The following PXMP2 variants were observed in gnomAD, a reference collection of about 807,000 sequenced individuals.
PXMP2 encodes the protein peroxisomal membrane protein 2.
A neutral mutation model predicts 20.2 loss-of-function variants in PXMP2; 13 were observed. The observed-to-expected ratio is 0.64, with a 90% CI of 0.42 to 1.02. The LOEUF (loss-of-function observed/expected upper bound fraction) is 1.02. PXMP2 is among the 50% of genes least tolerant of loss of function. The pLI is 0.00. For missense variants in PXMP2, 284 were observed against 251.8 expected, an observed-to-expected ratio of 1.13 and a Z score of -0.87; for synonymous variants, 113 against 111.2, an observed-to-expected ratio of 1.02 and a Z score of -0.10.
At position 132,703,577 on chromosome 12, in the gene PXMP2, G is replaced by A. The variant is rs994881115; in HGVS notation, c.520-1042G>A. On this transcript the variant is annotated intron_variant, in intron 4 of 4. Coordinates refer to ENST00000317479, the MANE Select transcript of PXMP2 (RefSeq NM_018663.3). The stretch of plus-strand genomic sequence containing the variant: ...AGGAGAGTGGGACATCCTGCCTCAA[G>A]CCCCCACGTGCCTCTCTGGAGGGCC... 4.6e-5 allele frequency among the ~76,000 whole-genome samples: 7 copies of A among 152,292 alleles called. No individual in the cohort carries two copies. The East Asian group carries it at 1.2e-3, about 25-fold the overall frequency.
intron 2 of PXMP2, among the ~76,000 whole-genome samples, chr12:132,693,701 T>A (rs1277747743): frequency 8.9e-6 from 1 of 112,226 alleles, no homozygotes; most frequent in Non-Finnish European, 1.9e-5. Context: ...GTTAGTGAGC[T>A]CCCTTAGCCA....
At chr12:132,689,778 T>A (rs2043356107) in intron 1 of PXMP2, among the ~76,000 whole-genome samples, 1 of 152,206 alleles carries the variant, frequency 6.6e-6, no homozygotes, top group Admixed American at 6.5e-5. Context: ...GTGTCCCCCA[T>A]TGGTTACATT....
chr12:132,694,479 CAGTT>C (rs1349926563), intron 2 of PXMP2, among the ~76,000 whole-genome samples: 4 of 86,582 alleles, frequency 4.6e-5, no homozygotes, highest in African/African-American at 1.1e-4. Context: ...CTCCCTTAGC[CAGTT>C]AGTTAGTGAG....
chr12:132,687,909 C>A, intron 1 of PXMP2, 117 bp downstream of exon 1: 1 of 992,176 alleles, frequency 1.0e-6, no homozygotes, highest in South Asian at 4.8e-5. Context: ...GGGTCAGAAC[C>A]CCCGGAGCGG....
Position 132,690,265 on chromosome 12 carries a change from G to T in PXMP2, c.125G>T (p.Gly42Val), listed in dbSNP as rs1458294930. The change falls in exon 2 of 5, where the codon GGC becomes GTC. Residue 42 changes from glycine (G) to valine (V), a missense_variant and splice_region_variant. By Grantham distance (109) the Gly-to-Val change is moderately radical (BLOSUM62 -3). Coordinates refer to ENST00000317479, the MANE Select transcript of PXMP2 (RefSeq NM_018663.3). ...YPVLTKAATS[G>V]ILSALGNFLA... ...TCTGATGACCTCCCTCTCCACAGTG[G>T]CATTTTGTCAGCACTTGGGAACTTC... The T allele has an allele frequency of 6.2e-7, 1 of 1,613,142 alleles. No individual in the cohort carries two copies. Among genetic ancestry groups the T allele is most frequent in the South Asian group, 1.1e-5 (1 of 91,052 alleles).
Position 132,687,690 on chromosome 12 carries a change from G to C in PXMP2, c.20G>C (p.Arg7Thr). Residue 7 changes from arginine to threonine, a missense_variant, in exon 1 of 5, where the codon AGG becomes ACG. Arg to Thr is a moderately conservative substitution (Grantham distance 71). Transcript: ENST00000317479. MAPAAS[R>T]LRAEAGLGAL... ...GAGGCGATGGCGCCGGCCGCGTCCA[G>C]GCTGCGGGCCGAAGCCGGGCTCGGG... is the stretch of plus-strand genomic sequence containing the variant. 2 of 1,184,968 alleles carry C rather than the reference G, an allele frequency of 1.7e-6. No homozygotes were observed. Among genetic ancestry groups the C allele is most frequent in the Non-Finnish European group, 2.1e-6 (2 of 962,240 alleles). 73.4% of individuals were successfully genotyped at this position (1,184,968 alleles called of 1,614,324 possible).
At chr12:132,688,284 T>TA (rs1218343447) in intron 1 of PXMP2, 1 of 207,938 alleles carries the variant, frequency 4.8e-6, no homozygotes, top group Admixed American at 7.1e-5. Flanking sequence ...GGGGCGCGGG[T>TA]GAAGACAGGG....
intron 3 of PXMP2, among the ~76,000 whole-genome samples, chr12:132,699,855 T>C (rs560052259): frequency 3.3e-5 from 5 of 152,254 alleles, no homozygotes; most frequent in South Asian, 2.1e-4. Flanking sequence ...TTGTTTGATA[T>C]GATTCCTTTT....
Position 132,703,318 on chromosome 12 carries a change from G to A in PXMP2, c.520-1301G>A, listed in dbSNP as rs182952062. 3.3e-5 allele frequency among the ~76,000 whole-genome samples: 5 copies of A among 152,300 alleles called. No individual in the cohort carries two copies. In the East Asian group the frequency reaches 9.6e-4, roughly 29 times the overall value. On this transcript the variant is annotated intron_variant, in intron 4 of 4. Coordinates refer to ENST00000317479, the MANE Select transcript of PXMP2 (RefSeq NM_018663.3). ...GTTTGAGAGAAGGTGAGAAGTGATG[G>A]AAGAAGGCTGGGTGGCAGAGGGGGT...
At chr12:132,693,805 AGCCAGTTAGTTAGTGAGCTCCCTT>A (rs1253540497) in intron 2 of PXMP2, among the ~76,000 whole-genome samples, 2 of 79,308 alleles carry the variant, frequency 2.5e-5, no homozygotes, top group Non-Finnish European at 5.3e-5. Context: ...TAGCTCCCTT[AGCCAGTTAGTTAGTGAGCTCCCTT>A]GCCAGTTAGT....
At chr12:132,700,924 T>G (rs4077415) in intron 3 of PXMP2, among the ~76,000 whole-genome samples, 25,447 of 150,818 alleles carry the variant, frequency 0.17, 2,768 homozygotes, top group African/African-American at 0.29. Context: ...TTGGGAGGAA[T>G]TGACAGCGTA....
intron 1 of PXMP2, 103 bp from the exon 2 acceptor site, chr12:132,690,160 C>G (rs891971528): frequency 3.6e-6 from 3 of 829,692 alleles, no homozygotes; most frequent in Non-Finnish European, 4.0e-6. Context: ...TACCCCCCGC[C>G]CATCTGCTGC....
chr12:132,694,118 T>C (rs2043392371), intron 2 of PXMP2, among the ~76,000 whole-genome samples: 1 of 123,326 alleles, frequency 8.1e-6, no homozygotes, highest in Non-Finnish European at 1.7e-5. Context: ...CCCTTGCCAG[T>C]TAGTTAGTGA....
Position 132,692,031 on chromosome 12 carries a change from C to G in PXMP2, c.236+1655C>G, listed in dbSNP as rs575878690. ...ACCCTTGCCAGTTAGTTAGTGAGCTCCCTTGCCAGTTAGTGAGCTCCCTGA... is the reference window on the plus strand; with the variant it reads ...ACCCTTGCCAGTTAGTTAGTGAGCTGCCTTGCCAGTTAGTGAGCTCCCTGA... On this transcript the variant is annotated intron_variant, in intron 2 of 4. Transcript: ENST00000317479. 4.8e-5 allele frequency among the ~76,000 whole-genome samples: 7 copies of G among 145,332 alleles called. No individual in the cohort carries two copies. The South Asian group carries it at 1.6e-3, about 32-fold the overall frequency.
chr12:132,687,592 G>A lies in PXMP2; in HGVS notation c.-79G>A. 8.6e-7 allele frequency: 1 copy of A among 1,165,808 alleles called. No individual in the cohort carries two copies. Among genetic ancestry groups the A allele is most frequent in the Non-Finnish European group, 1.1e-6 (1 of 942,960 alleles). The allele number at this position is 1,165,808 out of a possible 1,614,324, so 72.2% of individuals were successfully genotyped here. The stretch of plus-strand genomic sequence containing the variant: ...GGAAATGTCAGGCGGTCCCCACTCC[G>A]CTCTCGGCGCCTCGGGCTCCGCGCC... On this transcript the variant is annotated 5_prime_UTR_variant, in exon 1 of 5. Coordinates refer to ENST00000317479, the MANE Select transcript of PXMP2 (RefSeq NM_018663.3).
chr12:132,690,425 C>T (rs777009456), intron 2 of PXMP2, 49 bp downstream of exon 2: 3 of 1,420,906 alleles, frequency 2.1e-6, no homozygotes, highest in Admixed American at 1.8e-5. Flanking sequence ...CTGAGTGCAA[C>T]CAAGCTGGGC....
Position 132,701,623 on chromosome 12 carries a change from T to G in PXMP2, c.519+254T>G, listed in dbSNP as rs76381609. On this transcript the variant is annotated intron_variant, in intron 4 of 4. Coordinates refer to ENST00000317479, the MANE Select transcript of PXMP2 (RefSeq NM_018663.3). Reference sequence around the variant, plus strand: ...AGAAGGGTGTCCCGAGTGGTCGTCTTTGCCTCTTCTGTTCGTTCAGCAAAT... The same window carrying G: ...AGAAGGGTGTCCCGAGTGGTCGTCTGTGCCTCTTCTGTTCGTTCAGCAAAT... The G allele has an allele frequency of 9.8e-4, 484 of 492,076 alleles. 1 individual carries two copies. The highest frequency in any genetic ancestry group is 8.6e-3 in the African/African-American group (422 of 48,892). The allele number at this position is 492,076 out of a possible 1,614,324, so 30.5% of individuals were successfully genotyped here. A position where few individuals can be genotyped will look rare whatever the true frequency, so the allele number is the denominator to read the frequency against.
intron 4 of PXMP2, 85 bp downstream of exon 4, chr12:132,701,454 C>T: frequency 2.7e-6 from 4 of 1,508,932 alleles, no homozygotes; most frequent in African/African-American, 1.4e-5. Flanking sequence ...CTCCCCCCCT[C>T]CCTCCCCTCT....
In PXMP2 at chr12:132,696,818, A is replaced by G. The variant is rs1393399993; in HGVS notation, c.399+772A>G. On this transcript the variant is annotated intron_variant, in intron 3 of 4. Coordinates refer to ENST00000317479, the MANE Select transcript of PXMP2 (RefSeq NM_018663.3). This position sits in a 1 kb window ranked among gnomAD's most constrained non-coding sequence, Gnocchi z 4.4. ...CCGTCTCAAAAACAAAAAACAAAAC[A>G]AAACAAATTAGCCAGGTATGGTGGT... 2.6e-5 allele frequency among the ~76,000 whole-genome samples: 4 copies of G among 151,118 alleles called. No homozygotes were observed. The highest frequency in any genetic ancestry group is 4.9e-5 in the African/African-American group (2 of 41,166).
Sources: gnomAD v4.1 joint callset for allele counts (sites outside exome capture counted in the v4.1 genomes callset) on GRCh38, gnomAD v4.1.1 for gene constraint, Gnocchi (gnomAD v3.1) non-coding constraint, MANE v1.5 for transcripts, NCBI Gene and HGNC (gene_info 2026-07-23, HGNC 2026-07-21) for gene names.